POGLUT3: variants seen among roughly 807,000 people sequenced by gnomAD.
POGLUT3 encodes protein O-glucosyltransferase 3.
Under a neutral mutation model 54.3 loss-of-function variants are expected in POGLUT3, and 48 were observed. That is an observed-to-expected ratio of 0.88 (90% CI 0.70 to 1.12). The LOEUF (loss-of-function observed/expected upper bound fraction) is 1.12. Among genes scored for constraint, POGLUT3 ranks in the 50% most tolerant of loss-of-function variants. The pLI, the probability that POGLUT3 is intolerant of heterozygous loss-of-function variation, is 0.00. For missense variants in POGLUT3, 629 were observed against 618.7 expected, an observed-to-expected ratio of 1.02 and a Z score of -0.18; for synonymous variants, 218 against 237.4, an observed-to-expected ratio of 0.92 and a Z score of 0.75.
intron 2 of POGLUT3, among the ~76,000 whole-genome samples, chr11:108,489,825 A>G (rs2093609947): frequency 6.6e-6 from 1 of 152,224 alleles, no homozygotes; most frequent in Admixed American, 6.5e-5. Context: ...ATGTGCCTGC[A>G]GTCCTAGCTA....
chr11:108,475,085 G>A (rs149266023), intron 7 of POGLUT3, 133 bp from the exon 8 acceptor site: 2 of 863,736 alleles, frequency 2.3e-6, no homozygotes, highest in East Asian at 2.5e-5. Flanking sequence ...CCAAAGGTCT[G>A]GTTTATTCCA....
At chr11:108,477,470 G>C in intron 7 of POGLUT3, 137 bp downstream of exon 7, 1 of 616,678 alleles carries the variant, frequency 1.6e-6, no homozygotes, top group South Asian at 2.2e-5. Context: ...TCTTTCCCTA[G>C]GCAAGTGCCT....
In POGLUT3 at chr11:108,491,180, G is replaced by C. The variant is rs763912735; in HGVS notation, c.203-13C>G. The C allele has an allele frequency of 2.2e-6, 3 of 1,388,798 alleles. No individual in the cohort carries two copies. Among genetic ancestry groups the C allele is most frequent in the Non-Finnish European group, 2.0e-6 (2 of 1,005,190 alleles). 86.0% of individuals were successfully genotyped at this position (1,388,798 alleles called of 1,614,324 possible). A position where few individuals can be genotyped will look rare whatever the true frequency, so the allele number is the denominator to read the frequency against. On this transcript the variant is annotated splice_polypyrimidine_tract_variant and intron_variant, in intron 1 of 7. Transcript: ENST00000323468. ...AATGGTGTTTCACCTAAAAGGAAAA[G>C]AAATATAAACAACTCTACCATGTCA...
At chr11:108,481,120 G>T in intron 5 of POGLUT3, 60 bp downstream of exon 5, 2 of 1,354,826 alleles carry the variant, frequency 1.5e-6, no homozygotes, top group Non-Finnish European at 2.0e-6. Context: ...CACCTATTTT[G>T]GTAGACTTTT....
chr11:108,498,032 G>A (rs1054405706), intron 1 of POGLUT3, 133 bp downstream of exon 1: 6 of 692,616 alleles, frequency 8.7e-6, no homozygotes, highest in Non-Finnish European at 1.3e-5. Context: ...GAGGGAAGAG[G>A]AGCTGACCAG....
At chr11:108,484,780 C>CA (rs146184111) in intron 3 of POGLUT3, among the ~76,000 whole-genome samples, 1,723 of 152,026 alleles carry the variant, frequency 0.011, 35 homozygotes, top group African/African-American at 0.039. Flanking sequence ...AACAAACAAA[C>CA]AAAAAAACTC....
intron 3 of POGLUT3, among the ~76,000 whole-genome samples, chr11:108,483,256 T>C (rs1372694342): frequency 6.6e-6 from 1 of 152,208 alleles, no homozygotes; most frequent in African/African-American, 2.4e-5. Context: ...TCATCTTTCA[T>C]CTGCCCACCT....
At chr11:108,489,908 G>A (rs1228681525) in intron 2 of POGLUT3, among the ~76,000 whole-genome samples, 2 of 152,156 alleles carry the variant, frequency 1.3e-5, no homozygotes, top group Non-Finnish European at 2.9e-5. Context: ...TTTTGAGACA[G>A]GGGGTCTCAC....
At position 108,479,499 on chromosome 11, in the gene POGLUT3, G is replaced by A. The variant is rs781694050; in HGVS notation, c.1099-4C>T. ...CCACATTTACTTGATACTTGTACTG[G>A]AAGATGAAAAACAAACATAAACAAA... On this transcript the variant is annotated splice_polypyrimidine_tract_variant and splice_region_variant and intron_variant, in intron 5 of 7. Transcript: ENST00000323468. The A allele has an allele frequency of 8.9e-6, 14 of 1,577,836 alleles. No individual in the cohort carries two copies. In the East Asian group the frequency reaches 3.2e-4, roughly 36 times the overall value.
At chr11:108,490,824 C>A in intron 2 of POGLUT3, 146 bp downstream of exon 2, 1 of 545,814 alleles carries the variant, frequency 1.8e-6, no homozygotes, top group Non-Finnish European at 3.2e-6. Context: ...ATTTTCTTTC[C>A]CTTAAAATTT....
intron 2 of POGLUT3, among the ~76,000 whole-genome samples, chr11:108,487,174 A>C (rs1471728077): frequency 2.0e-5 from 3 of 152,280 alleles, no homozygotes; most frequent in African/African-American, 7.2e-5. Flanking sequence ...AAAACCTCTG[A>C]ATCTACCTAT....
chr11:108,485,694 G>A (rs950100207), intron 3 of POGLUT3, among the ~76,000 whole-genome samples: 2 of 151,422 alleles, frequency 1.3e-5, no homozygotes, highest in African/African-American at 2.4e-5. Flanking sequence ...GTCTCACTCT[G>A]TCACCCAGGT....
intron 7 of POGLUT3, 71 bp from the exon 8 acceptor site, chr11:108,475,023 C>CCCCACCCA: frequency 6.6e-7 from 1 of 1,504,794 alleles, no homozygotes; most frequent in Non-Finnish European, 9.1e-7. Flanking sequence ...CCACCCACTC[C>CCCCACCCA]CATCCGCAGT....
intron 5 of POGLUT3, among the ~76,000 whole-genome samples, chr11:108,480,601 G>T (rs769713806): frequency 6.6e-6 from 1 of 152,008 alleles, no homozygotes; most frequent in South Asian, 2.1e-4. Context: ...TAAATAATTG[G>T]TACAAGGGAG....
At chr11:108,491,346 ATTC>A (rs2093612952) in intron 1 of POGLUT3, 179 bp from the exon 2 acceptor site, 2 of 584,228 alleles carry the variant, frequency 3.4e-6, no homozygotes, top group Non-Finnish European at 5.9e-6. Context: ...TGGTTCATGC[ATTC>A]TTTTTTTTTT....
intron 5 of POGLUT3, among the ~76,000 whole-genome samples, chr11:108,479,847 T>A (rs116188511): frequency 0.013 from 2,024 of 152,244 alleles, 34 homozygotes; most frequent in South Asian, 0.047. Flanking sequence ...TATTATTATT[T>A]TTTTGAGACA....
Position 108,481,308 on chromosome 11 carries a change from G to A in POGLUT3, c.970C>T (p.Gln324Ter), listed in dbSNP as rs772861148. ...RGRDSREERL[Q>*]LVQLSKENPQ... Reference sequence around the variant, plus strand: ...TTTTCTTTGGACAGCTGTACCAACTGGAGCCTCTCCTCTCGGCTGTCTCTA... The same window carrying A: ...TTTTCTTTGGACAGCTGTACCAACTAGAGCCTCTCCTCTCGGCTGTCTCTA... The change falls in exon 5 of 8, where the codon CAG (glutamine) becomes TAG (stop). Residue 324 changes from glutamine to a stop codon, truncating the protein, a stop_gained. Transcript: ENST00000323468. LOFTEE classifies it high-confidence loss of function. 4.3e-6 allele frequency: 7 copies of A among 1,612,184 alleles called. No homozygotes were observed. The highest frequency in any genetic ancestry group is 5.9e-6 in the Non-Finnish European group (7 of 1,179,344).
At chr11:108,490,407 C>T (rs1007368306) in intron 2 of POGLUT3, among the ~76,000 whole-genome samples, 5 of 151,914 alleles carry the variant, frequency 3.3e-5, no homozygotes, top group Admixed American at 6.6e-5. Context: ...CACCATGTTG[C>T]CCAGGCTGGT....
intron 1 of POGLUT3, among the ~76,000 whole-genome samples, chr11:108,492,085 C>T (rs2093614420): frequency 6.6e-6 from 1 of 151,880 alleles, no homozygotes; most frequent in Non-Finnish European, 1.5e-5. Flanking sequence ...AGCTCACACA[C>T]ACACACACAC....
Sources: gnomAD v4.1 joint callset for allele counts (sites outside exome capture counted in the v4.1 genomes callset) on GRCh38, gnomAD v4.1.1 for gene constraint, MANE v1.5 for transcripts, NCBI Gene and HGNC (gene_info 2026-07-23, HGNC 2026-07-21) for gene names.